The following ALG13 variants were observed in gnomAD, a reference collection of about 807,000 sequenced individuals.
The protein encoded by ALG13 is UDP-N-acetylglucosamine transferase subunit ALG13.
Under a neutral mutation model 87.8 loss-of-function variants are expected in ALG13, and 11 were observed. The observed-to-expected ratio is 0.13, with a 90% CI of 0.08 to 0.21. The LOEUF is 0.21. Ranked by LOEUF, ALG13 falls within the 10% of genes least tolerant of loss-of-function variation. ALG13 has a pLI of 1.00. For synonymous variants in ALG13, 320 were observed against 306.3 expected, an observed-to-expected ratio of 1.04 and a Z score of -0.47; for missense variants, 756 against 866.1, an observed-to-expected ratio of 0.87 and a Z score of 1.60.
chrX:111,690,443 T>C (rs1251083759), intron 3 of ALG13: 1 of 697,275 alleles, frequency 1.4e-6, no homozygotes, highest in Non-Finnish European at 1.7e-6. Context: ...GAATTAAGGA[T>C]TTTAGATACT....
rs992156483 is a variant in ALG13 at position 111,684,896 on chromosome X, G to C, written c.245-69G>C. 23 of 1,040,099 alleles carry C rather than the reference G, an allele frequency of 2.2e-5. No homozygotes were observed. The Middle Eastern group carries it at 1.7e-3, about 77-fold the overall frequency. 85.7% of individuals were successfully genotyped at this position (1,040,099 alleles called of 1,213,427 possible). A position where few individuals can be genotyped will look rare whatever the true frequency, so the allele number is the denominator to read the frequency against. ...TAAGTTTTTTAACTTTTGATTTCTA[G>C]CTATAAAGCTTCGTGGGGACCTTAA... On this transcript the variant is annotated intron_variant, in intron 2 of 26. Coordinates refer to ENST00000394780, the MANE Select transcript of ALG13 (RefSeq NM_001099922.3).
At chrX:111,715,400 C>T (rs917680780) in intron 8 of ALG13, among the ~76,000 whole-genome samples, 3 of 112,094 alleles carry the variant, frequency 2.7e-5, no homozygotes, top group Non-Finnish European at 5.6e-5. Context: ...GTTCACACTC[C>T]TAAGATTGGC....
At chrX:111,719,090 G>A (rs1291276954) in intron 10 of ALG13, among the ~76,000 whole-genome samples, 3 of 101,843 alleles carry the variant, frequency 2.9e-5, no homozygotes, top group East Asian at 3.1e-4. Flanking sequence ...GCAGTAGCGC[G>A]ATCTCAGCTC....
intron 3 of ALG13, among the ~76,000 whole-genome samples, chrX:111,707,241 C>T (rs1164362809): frequency 8.9e-6 from 1 of 112,271 alleles, no homozygotes; most frequent in Non-Finnish European, 1.9e-5. Context: ...CTCTACCATA[C>T]CATTTCAAAT....
chrX:111,742,888 C>T (rs183765892), intron 23 of ALG13, among the ~76,000 whole-genome samples: 45 of 112,593 alleles, frequency 4.0e-4, no homozygotes, highest in African/African-American at 1.2e-3. Flanking sequence ...TTTTAGAAGA[C>T]GTTTCTATAA....
intron 3 of ALG13, among the ~76,000 whole-genome samples, chrX:111,695,828 A>G (rs1206624712): frequency 9.0e-6 from 1 of 111,281 alleles, no homozygotes; most frequent in Non-Finnish European, 1.9e-5. Flanking sequence ...CCCTTCCTTC[A>G]TAAATCTTGC....
At chrX:111,723,486 C>T (rs2065976464) in intron 13 of ALG13, among the ~76,000 whole-genome samples, 3 of 110,816 alleles carry the variant, frequency 2.7e-5, no homozygotes, top group Non-Finnish European at 5.7e-5. Context: ...GTTGCCCAGG[C>T]TGGTCTCATT....
intron 14 of ALG13, 104 bp from the exon 15 acceptor site, chrX:111,724,830 G>C: frequency 1.1e-6 from 1 of 905,238 alleles, no homozygotes; most frequent in Non-Finnish European, 1.5e-6. Flanking sequence ...TGTCAACCAG[G>C]TTTTAATAGA....
chrX:111,714,976 A>G (rs1320913596), intron 8 of ALG13, among the ~76,000 whole-genome samples: 1 of 111,950 alleles, frequency 8.9e-6, no homozygotes, highest in African/African-American at 3.3e-5. Context: ...CTCCCAGTTC[A>G]GTTTTTCCTC....
At chrX:111,691,406 A>G (rs1056917332) in intron 3 of ALG13, among the ~76,000 whole-genome samples, 4 of 111,985 alleles carry the variant, frequency 3.6e-5, no homozygotes, top group Non-Finnish European at 5.6e-5. Context: ...CGGCCGTAAT[A>G]CGATATTTTT....
chrX:111,718,036 C>A, intron 9 of ALG13, 76 bp from the exon 10 acceptor site: 1 of 1,089,256 alleles, frequency 9.2e-7, no homozygotes. Flanking sequence ...TATTTGCACG[C>A]AGGATTATGA....
chrX:111,682,069 G>C (rs1933528081), intron 1 of ALG13, 63 bp from the exon 2 acceptor site: 5 of 1,029,718 alleles, frequency 4.9e-6, no homozygotes, highest in African/African-American at 3.9e-5. Context: ...TAGTGGTGGT[G>C]GTTCCTGCTC....
At chrX:111,709,778 T>C (rs1381441755) in intron 5 of ALG13, among the ~76,000 whole-genome samples, 1 of 110,834 alleles carries the variant, frequency 9.0e-6, no homozygotes, top group Non-Finnish European at 1.9e-5. Context: ...GTTTTACTCC[T>C]AATTTTCTCA....
chrX:111,688,331 A>G, intron 3 of ALG13: 2 of 718,213 alleles, frequency 2.8e-6, no homozygotes, highest in Non-Finnish European at 3.3e-6. Flanking sequence ...AGTTAGTTTG[A>G]TACTCCTTAG....
intron 12 of ALG13, 99 bp from the exon 13 acceptor site, chrX:111,722,694 C>A: frequency 1.8e-6 from 1 of 552,114 alleles, no homozygotes; most frequent in Non-Finnish European, 3.0e-6. Context: ...ATAGTGGTAG[C>A]GTTGTCAAAG....
In ALG13 at chrX:111,748,951, T is replaced by C. The variant is rs1442708912; in HGVS notation, c.2933-3839T>C. On this transcript the variant is annotated intron_variant, in intron 24 of 26. Coordinates refer to ENST00000394780, the MANE Select transcript of ALG13 (RefSeq NM_001099922.3). Reference sequence around the variant, plus strand: ...TACAAAAATTAGCTGGGAGAGGTGGTGAGCACCTGTAATGCTAGTTACTCG... The same window carrying C: ...TACAAAAATTAGCTGGGAGAGGTGGCGAGCACCTGTAATGCTAGTTACTCG... Among the ~76,000 whole-genome samples, 4 of 110,511 alleles carry C rather than the reference T, an allele frequency of 3.6e-5. No individual in the cohort carries two copies. The East Asian group carries it at 1.1e-3, about 31-fold the overall frequency.
chrX:111,736,551 A>G (rs753182992), intron 22 of ALG13, among the ~76,000 whole-genome samples, 163 bp from the exon 23 acceptor site: 3 of 112,007 alleles, frequency 2.7e-5, no homozygotes, highest in Admixed American at 9.5e-5. Flanking sequence ...GTGACCTAAG[A>G]TCTTCTGAAA....
At chrX:111,699,242 GT>G (rs1172926163) in intron 3 of ALG13, among the ~76,000 whole-genome samples, 2 of 105,090 alleles carry the variant, frequency 1.9e-5, no homozygotes, top group African/African-American at 3.4e-5. Flanking sequence ...TTCCTTACAG[GT>G]TTTTTTTTTC....
intron 11 of ALG13, among the ~76,000 whole-genome samples, chrX:111,721,023 G>A (rs1275236348): frequency 9.9e-6 from 1 of 100,839 alleles, no homozygotes; most frequent in Non-Finnish European, 2.0e-5. Flanking sequence ...TTTATTGTGC[G>A]ATTTATTTCT....
Sources: gnomAD v4.1 joint callset for allele counts (sites outside exome capture counted in the v4.1 genomes callset) on GRCh38, gnomAD v4.1.1 for gene constraint, MANE v1.5 for transcripts, NCBI Gene and HGNC (gene_info 2026-07-23, HGNC 2026-07-21) for gene names.